Variants in PATJ observed in about 807,000 individuals in gnomAD.
PATJ encodes PATJ crumbs cell polarity complex component.
In PATJ, 190 loss-of-function variants were observed where a neutral mutation model predicts 224.9. The ratio of observed to expected loss-of-function variants is 0.84; its 90% CI spans 0.75 to 0.95. The LOEUF is 0.95. PATJ is among the 40% of genes least tolerant of loss of function. PATJ has a pLI of 0.00. For missense variants in PATJ, 2,121 were observed against 2,270.3 expected (o/e 0.93, Z 1.34); for synonymous variants, 769 against 820.3 (o/e 0.94, Z 1.07).
intron 33 of PATJ, among the ~76,000 whole-genome samples, chr1:62,092,977 A>T (rs570967175): frequency 6.6e-6 from 1 of 151,968 alleles, no homozygotes; most frequent in Non-Finnish European, 1.5e-5. Context: ...TCCTGAGCTC[A>T]GGCAATCCGC....
chr1:62,120,745 A>G (rs1373964806), intron 37 of PATJ: 2 of 154,648 alleles, frequency 1.3e-5, no homozygotes, highest in Non-Finnish European at 2.9e-5. Flanking sequence ...TCTGCTAATC[A>G]AGGTCTTATT....
chr1:61,831,923 C>T (rs1263804495), intron 16 of PATJ, among the ~76,000 whole-genome samples: 3 of 152,148 alleles, frequency 2.0e-5, no homozygotes, highest in South Asian at 2.1e-4. Context: ...ATGGAACAAA[C>T]CTAATGCCCA....
chr1:61,869,275 T>A (rs955582516), intron 20 of PATJ, among the ~76,000 whole-genome samples: 3 of 150,948 alleles, frequency 2.0e-5, no homozygotes, highest in East Asian at 3.9e-4. Flanking sequence ...CCCGGCTAAT[T>A]TTTTGTATTT....
At chr1:61,862,346 G>A (rs867219006) in intron 19 of PATJ, among the ~76,000 whole-genome samples, 16 of 151,816 alleles carry the variant, frequency 1.1e-4, no homozygotes, top group African/African-American at 2.9e-4. Flanking sequence ...ACAGGCGTGC[G>A]CCACCACGCC....
At chr1:61,805,375 T>C in intron 12 of PATJ, 73 bp from the exon 13 acceptor site, 1 of 893,468 alleles carries the variant, frequency 1.1e-6, no homozygotes, top group Admixed American at 2.1e-5. Flanking sequence ...TTGAAGAATT[T>C]AGCAGTTAAG....
chr1:62,015,196 C>T (rs1226547276), intron 28 of PATJ, among the ~76,000 whole-genome samples: 1 of 151,398 alleles, frequency 6.6e-6, no homozygotes, highest in African/African-American at 2.4e-5. Context: ...CCCAGCAACT[C>T]GGGAGGCTGA....
chr1:61,977,249 AG>A (rs1447403383), intron 27 of PATJ, among the ~76,000 whole-genome samples: 4 of 151,966 alleles, frequency 2.6e-5, no homozygotes, highest in Admixed American at 2.0e-4. Context: ...CACCACACCC[AG>A]CTAATTTTTT....
rs1416935932 is a variant in PATJ, at chr1:61,813,362, TATATATATATATATATACAC to T, written c.1683+4834_1683+4853del. 1.7e-3 allele frequency among the ~76,000 whole-genome samples: 76 copies of T among 45,830 alleles called. 1 individual carries two copies. The highest frequency in any genetic ancestry group is 0.015 in the Middle Eastern group (1 of 68). The allele number at this position is 45,830 out of a possible 152,430, so 30.1% of individuals were successfully genotyped here. On this transcript the variant is annotated intron_variant, in intron 14 of 43. Transcript: ENST00000642238. Reference sequence around the variant, plus strand: ...ATATATATATATATATATATATATATATATATATATATATATACACACACACACACACACACATACACACA... The same window carrying T: ...ATATATATATATATATATATATATATACACACACACACACACATACACACA...
At chr1:61,966,464 T>A (rs1158750507) in intron 27 of PATJ, among the ~76,000 whole-genome samples, 1 of 151,760 alleles carries the variant, frequency 6.6e-6, no homozygotes, top group Non-Finnish European at 1.5e-5. Context: ...CCCGGGTGGG[T>A]CACCTGAAGT....
rs137964588 is a variant in PATJ at position 62,159,861 on chromosome 1, AT to A, written c.5503-1045del. Among the ~76,000 whole-genome samples the A allele has an allele frequency of 7.2e-3, 1,092 of 152,208 alleles. 12 individuals carry two copies. Among genetic ancestry groups the A allele is most frequent in the African/African-American group, 0.025 (1,027 of 41,536 alleles). On this transcript the variant is annotated intron_variant, in intron 43 of 43. Coordinates refer to ENST00000642238, the MANE Select transcript of PATJ (RefSeq NM_001350145.3). ...ACCCAGCAGGTTTTGAATATTCTTT[AT>A]TGCACATTCATTTAGAAATTCCACC... is the stretch of plus-strand genomic sequence containing the variant.
rs1553243991 is a variant in PATJ at position 62,017,743 on chromosome 1, A to AAG, written c.3868-112_3868-111insGA. 5.0e-4 allele frequency: 256 copies of AAG among 517,024 alleles called. 1 individual carries two copies. Among genetic ancestry groups the AAG allele is most frequent in the Middle Eastern group, 1.2e-3 (2 of 1,706 alleles). The allele number at this position is 517,024 out of a possible 1,614,324, so 32.0% of individuals were successfully genotyped here. A position where few individuals can be genotyped will look rare whatever the true frequency, so the allele number is the denominator to read the frequency against. On this transcript the variant is annotated intron_variant, in intron 28 of 43. Transcript: ENST00000642238. ...TGAGACTGTCTCAAAAAAAAAAAAA[A>AAG]AAAAGAAAAGAAAAGAAAAGAAATT...
At chr1:61,790,140 G>T (rs1239879351) in intron 8 of PATJ, among the ~76,000 whole-genome samples, 1 of 147,100 alleles carries the variant, frequency 6.8e-6, no homozygotes, top group Non-Finnish European at 1.5e-5. Flanking sequence ...GGAGTTTGAG[G>T]TTGCAATAAG....
chr1:61,959,910 C>G (rs995687411), intron 27 of PATJ, among the ~76,000 whole-genome samples: 16 of 152,200 alleles, frequency 1.1e-4, no homozygotes, highest in Middle Eastern at 3.4e-3. Flanking sequence ...GTAGTCCCAG[C>G]TACTTGGGAG....
intron 16 of PATJ, among the ~76,000 whole-genome samples, chr1:61,829,778 A>G (rs1185635775): frequency 1.3e-5 from 2 of 152,202 alleles, no homozygotes; most frequent in Non-Finnish European, 2.9e-5. Flanking sequence ...CTTAAACCCT[A>G]TCTGGTTAGG....
chr1:61,847,092 A>C (rs1194821807), intron 17 of PATJ, among the ~76,000 whole-genome samples: 3 of 152,216 alleles, frequency 2.0e-5, no homozygotes, highest in Non-Finnish European at 4.4e-5. Context: ...TAAAATTTTC[A>C]AGAGATGAAA....
At position 62,114,185 on chromosome 1, in the gene PATJ, T is replaced by C; in HGVS notation, c.4594T>C (p.Phe1532Leu). The C allele has an allele frequency of 6.2e-7, 1 of 1,614,124 alleles. No individual in the cohort carries two copies. Among genetic ancestry groups the C allele is most frequent in the Non-Finnish European group, 8.5e-7 (1 of 1,180,006 alleles). Residue 1532 changes from phenylalanine (F) to leucine (L), a missense_variant, in exon 35 of 44, where the codon TTC becomes CTC. Coordinates refer to ENST00000642238, the MANE Select transcript of PATJ (RefSeq NM_001350145.3). Reference sequence around the variant, plus strand: ...CCGGGATGAGGAGAACTTGGAGATTTTCCCTGTGGATCTGCAGAAGAAAGC... The same window carrying C: ...CCGGGATGAGGAGAACTTGGAGATTCTCCCTGTGGATCTGCAGAAGAAAGC... ...HYRDEENLEI[F>L]PVDLQKKAGR...
intron 21 of PATJ, among the ~76,000 whole-genome samples, chr1:61,875,934 C>T (rs1348261166): frequency 6.6e-6 from 1 of 152,130 alleles, no homozygotes; most frequent in Non-Finnish European, 1.5e-5. Flanking sequence ...TTTTCTTCAT[C>T]TAACACTAAA....
At chr1:62,036,674 T>G (rs1324263476) in intron 29 of PATJ, among the ~76,000 whole-genome samples, 1 of 151,554 alleles carries the variant, frequency 6.6e-6, no homozygotes, top group African/African-American at 2.4e-5. Flanking sequence ...TGAACTCACA[T>G]TGGAGGGGAA....
intron 25 of PATJ, among the ~76,000 whole-genome samples, chr1:61,912,134 C>CT (rs989986187): frequency 3.3e-5 from 5 of 152,060 alleles, no homozygotes; most frequent in African/African-American, 9.6e-5. Context: ...AGGGTACCTA[C>CT]TTTTTTTGAC....
Sources: allele counts gnomAD v4.1 joint callset (sites outside exome capture counted in the v4.1 genomes callset), GRCh38; gene constraint gnomAD v4.1.1; transcripts MANE v1.5; gene names NCBI Gene and HGNC (gene_info 2026-07-23, HGNC 2026-07-21).